PRKCB: variants seen among roughly 807,000 people sequenced by gnomAD.
PRKCB encodes protein kinase C beta type.
In PRKCB, 13 loss-of-function variants were observed where a neutral mutation model predicts 81.5. The ratio of observed to expected loss-of-function variants is 0.16; its 90% CI spans 0.10 to 0.25. PRKCB has a LOEUF of 0.25. PRKCB is among the 10% of genes least tolerant of loss of function. The pLI is 1.00. For synonymous variants in PRKCB, 335 were observed against 321.4 expected (o/e 1.04, Z -0.45); for missense variants, 509 against 875.7 (o/e 0.58, Z 5.29).
chr16:23,944,400 A>T (rs1393478391), intron 2 of PRKCB, among the ~76,000 whole-genome samples: 3 of 152,190 alleles, frequency 2.0e-5, no homozygotes, highest in African/African-American at 7.2e-5. Flanking sequence ...AACTTTTTTA[A>T]GTTAAATCTT....
chr16:23,868,226 G>T (rs2141096977), intron 2 of PRKCB, among the ~76,000 whole-genome samples: 1 of 152,244 alleles, frequency 6.6e-6, no homozygotes. Flanking sequence ...TACAAATAGA[G>T]GCAAGGTCAG....
intron 5 of PRKCB, among the ~76,000 whole-genome samples, chr16:24,071,825 G>A (rs1966111793): frequency 6.6e-6 from 1 of 152,086 alleles, no homozygotes; most frequent in African/African-American, 2.4e-5. Flanking sequence ...GTTATGGTGG[G>A]GGCCGAAGAG....
intron 5 of PRKCB, among the ~76,000 whole-genome samples, chr16:24,078,036 G>A (rs1462740715): frequency 1.3e-5 from 2 of 152,220 alleles, no homozygotes; most frequent in Non-Finnish European, 2.9e-5. Flanking sequence ...CGTTCTCACT[G>A]AGCAGATTGC....
At position 24,110,356 on chromosome 16, in the gene PRKCB, C is replaced by T. The variant is rs930525006; in HGVS notation, c.822-2617C>T. ...CCTCCCGAATAGCTGGGACTACGGG[C>T]GCGTGCCACCATGCCCACCTAATTT... On this transcript the variant is annotated intron_variant, in intron 7 of 16. Transcript: ENST00000643927. Among the ~76,000 whole-genome samples the T allele has an allele frequency of 8.6e-5, 13 of 151,766 alleles. No individual in the cohort carries two copies. In the South Asian group the frequency reaches 1.0e-3, roughly 12 times the overall value.
chr16:24,138,742 C>T (rs1966874621), intron 9 of PRKCB, among the ~76,000 whole-genome samples: 1 of 152,012 alleles, frequency 6.6e-6, no homozygotes, highest in African/African-American at 2.4e-5. Flanking sequence ...CAACATCTCC[C>T]CATTTTCTCT....
rs140835448 is a variant in PRKCB at position 24,153,826 on chromosome 16, C to A, written c.1066-858C>A. 5.5e-3 allele frequency among the ~76,000 whole-genome samples: 834 copies of A among 152,316 alleles called. 6 individuals are homozygous for A. Among genetic ancestry groups the A allele is most frequent in the African/African-American group, 0.019 (807 of 41,546 alleles). ...TCTGTAATTAATTTGCAAAATATTT[C>A]TTCCTCTCTGGAGTTAAGGGTCAGA... On this transcript the variant is annotated intron_variant, in intron 9 of 16. Coordinates refer to ENST00000643927, the MANE Select transcript of PRKCB (RefSeq NM_002738.7).
intron 7 of PRKCB, 78 bp from the exon 8 acceptor site, chr16:24,112,895 C>G: frequency 1.9e-6 from 2 of 1,025,750 alleles, no homozygotes; most frequent in South Asian, 2.9e-5. Context: ...TTATATAGGC[C>G]TCCTTTTCAT....
At chr16:24,196,223 T>C (rs1596593789) in intron 16 of PRKCB, among the ~76,000 whole-genome samples, 1 of 152,366 alleles carries the variant, frequency 6.6e-6, no homozygotes, top group South Asian at 2.1e-4. Flanking sequence ...CAGGAATTCT[T>C]ACTGAATGAG....
chr16:23,964,441 AAT>A (rs1435025546), intron 2 of PRKCB, among the ~76,000 whole-genome samples: 1 of 152,182 alleles, frequency 6.6e-6, no homozygotes, highest in Non-Finnish European at 1.5e-5. Context: ...CAAAACCTAA[AAT>A]ACTCAGTCTC....
intron 5 of PRKCB, among the ~76,000 whole-genome samples, chr16:24,068,028 C>T (rs541691850): frequency 2.0e-5 from 3 of 151,538 alleles, no homozygotes; most frequent in African/African-American, 4.9e-5. Flanking sequence ...TGGTGGTGAT[C>T]GAGCTCACTG....
At chr16:23,923,209 G>A (rs1157791561) in intron 2 of PRKCB, among the ~76,000 whole-genome samples, 1 of 151,984 alleles carries the variant, frequency 6.6e-6, no homozygotes, top group African/African-American at 2.4e-5. Flanking sequence ...AAAGTCCAAG[G>A]GTAGCTGCCT....
At chr16:23,841,583 GC>G (rs1049529050) in intron 2 of PRKCB, among the ~76,000 whole-genome samples, 56 of 151,326 alleles carry the variant, frequency 3.7e-4, no homozygotes, top group African/African-American at 1.4e-3. Context: ...AAACTCCTGG[GC>G]TCAAGTGATT....
At chr16:24,083,814 G>A (rs183285677) in intron 5 of PRKCB, among the ~76,000 whole-genome samples, 306 of 152,126 alleles carry the variant, frequency 2.0e-3, no homozygotes, top group African/African-American at 7.2e-3. Flanking sequence ...ACAAAACTGT[G>A]CACCAAAAAG....
At chr16:23,961,221 T>C (rs1964422223) in intron 2 of PRKCB, among the ~76,000 whole-genome samples, 1 of 152,218 alleles carries the variant, frequency 6.6e-6, no homozygotes, top group South Asian at 2.1e-4. Flanking sequence ...TTTTCCTTTC[T>C]TTAGCCACCC....
chr16:23,946,248 C>T (rs377430618), intron 2 of PRKCB, among the ~76,000 whole-genome samples: 3 of 152,162 alleles, frequency 2.0e-5, no homozygotes, highest in Admixed American at 6.5e-5. Flanking sequence ...ACAGGGCTGG[C>T]TAATTCTGCC....
At chr16:24,012,786 CTCAT>C (rs1965221102) in intron 3 of PRKCB, among the ~76,000 whole-genome samples, 1 of 152,260 alleles carries the variant, frequency 6.6e-6, no homozygotes. Flanking sequence ...GATTGTCCTA[CTCAT>C]GAGGCCCTGC....
chr16:24,152,278 A>C (rs384586), intron 9 of PRKCB, among the ~76,000 whole-genome samples: 1 of 151,614 alleles, frequency 6.6e-6, no homozygotes, highest in Non-Finnish European at 1.5e-5. Flanking sequence ...AAATCATCCG[A>C]TCTTGTGAGA....
intron 5 of PRKCB, among the ~76,000 whole-genome samples, chr16:24,050,813 G>C (rs532618193): frequency 9.9e-5 from 15 of 152,246 alleles, no homozygotes; most frequent in Non-Finnish European, 2.2e-4. Flanking sequence ...ACTCTTTTGG[G>C]GGGTCTGGGG....
At chr16:24,112,116 A>G (rs939807115) in intron 7 of PRKCB, among the ~76,000 whole-genome samples, 8 of 152,168 alleles carry the variant, frequency 5.3e-5, no homozygotes, top group African/African-American at 1.9e-4. Context: ...TTTTGGGAAA[A>G]CTTTTGCAGA....
Sources: allele counts gnomAD v4.1 joint callset (sites outside exome capture counted in the v4.1 genomes callset), GRCh38; gene constraint gnomAD v4.1.1; transcripts MANE v1.5; gene names NCBI Gene and HGNC (gene_info 2026-07-23, HGNC 2026-07-21).